The following C10orf90 variants were observed in gnomAD, a reference collection of about 807,000 sequenced individuals.
C10orf90 encodes (E2-independent) E3 ubiquitin-conjugating enzyme FATS.
In C10orf90, 56 loss-of-function variants were observed where a neutral mutation model predicts 62.5. The ratio of observed to expected loss-of-function variants is 0.90; its 90% CI spans 0.72 to 1.12. C10orf90 has a LOEUF of 1.12. Ranked by LOEUF, C10orf90 falls within the 50% of genes most tolerant of loss-of-function variation. The pLI is 0.00. For missense variants in C10orf90, 970 were observed against 880.4 expected, an observed-to-expected ratio of 1.10 and a Z score of -1.29; for synonymous variants, 386 against 340.4, an observed-to-expected ratio of 1.13 and a Z score of -1.47.
chr10:126,496,789 C>G, intron 4 of C10orf90: 1 of 866,040 alleles, frequency 1.2e-6, no homozygotes, highest in African/African-American at 1.8e-5. Flanking sequence ...TAAGCATGGG[C>G]TTTGTTGGGT....
intron 4 of C10orf90, among the ~76,000 whole-genome samples, chr10:126,468,190 T>C (rs1860392057): frequency 6.6e-6 from 1 of 151,776 alleles, no homozygotes; most frequent in Admixed American, 6.6e-5. Flanking sequence ...TGCCTCAGCC[T>C]CCTGAGTAGC....
chr10:126,511,159 G>A (rs531693497), intron 3 of C10orf90, among the ~76,000 whole-genome samples: 64 of 152,280 alleles, frequency 4.2e-4, no homozygotes, highest in African/African-American at 7.2e-5. Flanking sequence ...GAATGGAAGC[G>A]CATTTTCCAG....
intron 7 of C10orf90, among the ~76,000 whole-genome samples, chr10:126,444,525 C>A (rs1350220538): frequency 6.6e-6 from 1 of 152,056 alleles, no homozygotes; most frequent in Non-Finnish European, 1.5e-5. Context: ...TCATAGATGA[C>A]ACAAACAAAT....
chr10:126,576,725 C>G (rs12250990), intron 2 of C10orf90, among the ~76,000 whole-genome samples: 2 of 35,386 alleles, frequency 5.7e-5, no homozygotes, highest in Middle Eastern at 0.02. Flanking sequence ...ACAAGATATA[C>G]ATATATATGT....
rs541033118 is a variant in C10orf90, at chr10:126,499,915, C to A, written c.1534+4042G>T. Among the ~76,000 whole-genome samples, 8 of 152,264 alleles carry A rather than the reference C, an allele frequency of 5.3e-5. No individual in the cohort carries two copies. In the East Asian group the frequency reaches 1.3e-3, roughly 26 times the overall value. ...ATGGTAAAAAGCTTCAGATTTAAGC[C>A]ACAGATGCACAATAAAATTGGCAGT... On this transcript the variant is annotated intron_variant, in intron 4 of 9. Coordinates refer to ENST00000488181, the MANE Select transcript of C10orf90 (RefSeq NM_001350921.2).
intron 7 of C10orf90, among the ~76,000 whole-genome samples, chr10:126,451,626 TCACATATATGTATAATGTATATATA>T (rs1298949103): frequency 6.6e-6 from 1 of 152,032 alleles, no homozygotes; most frequent in African/African-American, 2.4e-5. Flanking sequence ...TACATATATA[TCACATATATGTATAATGTATATATA>T]CACATATGTG....
At position 126,425,283 on chromosome 10, in the gene C10orf90, TC is replaced by T. The variant is rs1564781382; in HGVS notation, c.*580del. The T allele has an allele frequency of 6.6e-6, 1 of 152,474 alleles. No individual in the cohort carries two copies. Among genetic ancestry groups the T allele is most frequent in the African/African-American group, 2.4e-5 (1 of 41,434 alleles). The allele number at this position is 152,474 out of a possible 1,614,324, so 9.4% of individuals were successfully genotyped here. ...GGGTGACTGAGGGCCCTCTGACTGC[TC>T]CAGGTCACAAAGAGATGGGCTGATT... On this transcript the variant is annotated 3_prime_UTR_variant, in exon 10 of 10. Transcript: ENST00000488181.
chr10:126,562,447 T>C (rs1446819450), intron 2 of C10orf90, among the ~76,000 whole-genome samples: 1 of 152,192 alleles, frequency 6.6e-6, no homozygotes, highest in African/African-American at 2.4e-5. Context: ...CCCTCATTCC[T>C]GCAGATAGCA....
rs530238737 is a variant in C10orf90 at position 126,439,166 on chromosome 10, C to T, written c.2189-9316G>A. Among the ~76,000 whole-genome samples, 7 of 152,268 alleles carry T rather than the reference C, an allele frequency of 4.6e-5. No individual in the cohort carries two copies. The South Asian group carries it at 8.3e-4, about 18-fold the overall frequency. ...AGACCCTAAGAACCCTTGCTGCTGCCGTAGACATCCACAGCCTTGGCCACT... is the reference window on the plus strand; with the variant it reads ...AGACCCTAAGAACCCTTGCTGCTGCTGTAGACATCCACAGCCTTGGCCACT... On this transcript the variant is annotated intron_variant, in intron 7 of 9. Coordinates refer to ENST00000488181, the MANE Select transcript of C10orf90 (RefSeq NM_001350921.2).
chr10:126,501,434 G>A lies in C10orf90; in HGVS notation c.1534+2523C>T, dbSNP rs551490765. On this transcript the variant is annotated intron_variant, in intron 4 of 9. Transcript: ENST00000488181. ...AAGGTGTGCATTTGTAGGCATCCGA[G>A]GCAAGTGCCCCACAGCACACCCCAG... Among the ~76,000 whole-genome samples, 13 of 152,170 alleles carry A rather than the reference G, an allele frequency of 8.5e-5. No individual in the cohort carries two copies. The South Asian group carries it at 1.5e-3, about 17-fold the overall frequency.
chr10:126,583,591 T>C (rs1314603122), intron 2 of C10orf90, among the ~76,000 whole-genome samples: 1 of 152,186 alleles, frequency 6.6e-6, no homozygotes, highest in East Asian at 1.9e-4. Context: ...CAGCCTGACA[T>C]GGTGAGTAGT....
chr10:126,568,929 C>T (rs77998379), intron 2 of C10orf90, among the ~76,000 whole-genome samples: 63 of 152,192 alleles, frequency 4.1e-4, no homozygotes, highest in African/African-American at 1.1e-3. Flanking sequence ...AGGGCACCTC[C>T]CAGCCAAGGG....
chr10:126,447,666 C>T (rs931451933), intron 7 of C10orf90, among the ~76,000 whole-genome samples: 1 of 152,200 alleles, frequency 6.6e-6, no homozygotes, highest in African/African-American at 2.4e-5. Context: ...TTAAACGATA[C>T]ATCCAAGCAA....
At chr10:126,463,550 C>G (rs148637115) in intron 5 of C10orf90, among the ~76,000 whole-genome samples, 2,087 of 152,308 alleles carry the variant, frequency 0.014, 23 homozygotes, top group Non-Finnish European at 0.023. Context: ...CCCCCACAAC[C>G]CTTGCGCCCT....
intron 4 of C10orf90, among the ~76,000 whole-genome samples, chr10:126,469,603 C>T (rs1439597428): frequency 6.6e-6 from 1 of 152,232 alleles, no homozygotes; most frequent in Admixed American, 6.5e-5. Flanking sequence ...TTTCTCAACT[C>T]AGCTGCAGGG....
At chr10:126,630,156 G>A (rs1308839193) in intron 2 of C10orf90, among the ~76,000 whole-genome samples, 1 of 152,164 alleles carries the variant, frequency 6.6e-6, no homozygotes, top group African/African-American at 2.4e-5. Flanking sequence ...GACTATAACT[G>A]TCCCACTTTA....
intron 2 of C10orf90, among the ~76,000 whole-genome samples, chr10:126,578,058 C>T (rs1276586015): frequency 1.3e-5 from 2 of 152,100 alleles, no homozygotes; most frequent in African/African-American, 4.8e-5. Flanking sequence ...TAAACAGCAA[C>T]ATCATCACAA....
intron 2 of C10orf90, among the ~76,000 whole-genome samples, chr10:126,536,493 T>C (rs1864241115): frequency 6.6e-6 from 1 of 152,144 alleles, no homozygotes; most frequent in Non-Finnish European, 1.5e-5. Context: ...GATCCCCATT[T>C]TAAAGAAAGA....
At chr10:126,434,753 G>A (rs1857810153) in intron 7 of C10orf90, among the ~76,000 whole-genome samples, 1 of 152,166 alleles carries the variant, frequency 6.6e-6, no homozygotes, top group Admixed American at 6.5e-5. Flanking sequence ...TGTGCATTAT[G>A]CAATTCCAAA....
Sources: gnomAD v4.1 joint callset for allele counts (sites outside exome capture counted in the v4.1 genomes callset) on GRCh38, gnomAD v4.1.1 for gene constraint, MANE v1.5 for transcripts, NCBI Gene and HGNC (gene_info 2026-07-23, HGNC 2026-07-21) for gene names.